The following PRDM1 variants were observed in gnomAD, a reference collection of about 807,000 sequenced individuals.
PRDM1 encodes the protein PR domain zinc finger protein 1.
PRDM1 carries 13 observed loss-of-function variants against 62.8 expected under a neutral mutation model. The ratio of observed to expected loss-of-function variants is 0.21; its 90% CI spans 0.13 to 0.33. PRDM1 has a LOEUF of 0.33. Ranked by LOEUF, PRDM1 falls within the 10% of genes least tolerant of loss-of-function variation. The probability of loss-of-function intolerance (pLI) is 1.00; values close to 1 mark genes in which losing one functional copy is unlikely to be tolerated. For synonymous variants in PRDM1, 396 were observed against 417.6 expected (o/e 0.95, Z 0.63); for missense variants, 895 against 1,058.8 (o/e 0.85, Z 2.15).
intron 1 of PRDM1, among the ~76,000 whole-genome samples, chr6:106,071,466 T>G (rs905043311): frequency 2.6e-5 from 4 of 152,182 alleles, no homozygotes; most frequent in Non-Finnish European, 5.9e-5. Context: ...ATAACAATGC[T>G]GATCCACTTC....
At chr6:106,062,926 C>T (rs933094591) in intron 1 of PRDM1, among the ~76,000 whole-genome samples, 1 of 152,132 alleles carries the variant, frequency 6.6e-6, no homozygotes, top group Non-Finnish European at 1.5e-5. Flanking sequence ...CTCCCACCCC[C>T]CAAAAACGCC....
At chr6:106,080,393 C>T (rs898009535) in intron 1 of PRDM1, among the ~76,000 whole-genome samples, 1 of 152,138 alleles carries the variant, frequency 6.6e-6, no homozygotes, top group African/African-American at 2.4e-5. Context: ...TGGACTCAGC[C>T]TTCTGTTCCA....
intron 4 of PRDM1, among the ~76,000 whole-genome samples, chr6:106,104,285 C>T (rs1005059526): frequency 6.6e-6 from 1 of 151,518 alleles, no homozygotes; most frequent in Admixed American, 6.6e-5. Flanking sequence ...AATCTCGGCT[C>T]ACCACAACCT....
At chr6:106,100,582 T>C (rs1443028023) in intron 4 of PRDM1, 1 of 152,228 alleles carries the variant, frequency 6.6e-6, no homozygotes, top group Admixed American at 6.5e-5. Context: ...TAAATATCAA[T>C]GTTAACATAA....
At chr6:106,085,577 C>T (rs912879886), upstream of PRDM1, among the ~76,000 whole-genome samples, 1 of 152,166 alleles carries the variant, frequency 6.6e-6, no homozygotes, top group African/African-American at 2.4e-5. Context: ...CTGGCCGGGG[C>T]TCAGAATAAG....
At chr6:106,062,322 T>A (rs1448628922) in intron 1 of PRDM1, among the ~76,000 whole-genome samples, 2 of 152,328 alleles carry the variant, frequency 1.3e-5, no homozygotes, top group East Asian at 3.9e-4. Context: ...TTTGGAAAAG[T>A]GAAATTTTAA....
At chr6:106,095,890 T>G (rs1774102333) in intron 3 of PRDM1, 156 bp downstream of exon 3, 3 of 786,454 alleles carry the variant, frequency 3.8e-6, no homozygotes, top group Non-Finnish European at 5.9e-6. Flanking sequence ...TCTGAACAAA[T>G]GTGATGAAAC....
rs2114661662 is a variant in PRDM1 at position 106,106,946 on chromosome 6, C to T, written c.1938C>T (p.Leu646=). The T allele has an allele frequency of 8.7e-6, 14 of 1,614,122 alleles. No individual in the cohort carries two copies. Among genetic ancestry groups the T allele is most frequent in the Non-Finnish European group, 1.2e-5 (14 of 1,180,014 alleles). Residue 646 remains leucine (L), a synonymous_variant, in exon 7 of 7, where the codon CTC becomes CTT. Coordinates refer to ENST00000369096, the MANE Select transcript of PRDM1 (RefSeq NM_001198.4). This position sits in a 1 kb window ranked among gnomAD's most constrained non-coding sequence, Gnocchi z 4.4. ...AGAGATTTAGCAGCACCAGCAATCTCAAGACCCACCTGCGACTCCATTCTG... is the reference window on the plus strand; with the variant it reads ...AGAGATTTAGCAGCACCAGCAATCTTAAGACCCACCTGCGACTCCATTCTG... ...CHKRFSSTSN[L]KTHLRLHSGE... is the part of the protein sequence containing the mutation.
chr6:106,074,268 T>C (rs1332876656), intron 1 of PRDM1, among the ~76,000 whole-genome samples: 4 of 152,180 alleles, frequency 2.6e-5, no homozygotes, highest in Admixed American at 2.6e-4. Context: ...AAAATTACTT[T>C]CCCTGAGAGT....
At chr6:106,063,982 T>C (rs1773388462) in intron 1 of PRDM1, among the ~76,000 whole-genome samples, 1 of 152,220 alleles carries the variant, frequency 6.6e-6, no homozygotes, top group Non-Finnish European at 1.5e-5. Context: ...AGGGTAATAA[T>C]GCCCTAGTAT....
upstream of PRDM1, among the ~76,000 whole-genome samples, chr6:106,043,732 C>T (rs1773035269): frequency 6.6e-6 from 1 of 152,136 alleles, no homozygotes; most frequent in African/African-American, 2.4e-5. Context: ...CGGCGTTTCT[C>T]CCTGTTGGTC....
At chr6:106,079,484 C>T (rs1054178814) in intron 1 of PRDM1, among the ~76,000 whole-genome samples, 16 of 152,104 alleles carry the variant, frequency 1.1e-4, no homozygotes, top group African/African-American at 3.6e-4. Context: ...ATTTCTGTAA[C>T]ACAAAGATTT....
intron 3 of PRDM1, chr6:106,096,292 T>TGC (rs1774116346): frequency 6.5e-6 from 1 of 153,250 alleles, no homozygotes; most frequent in South Asian, 2.0e-4. Flanking sequence ...GGGACTAAGG[T>TGC]GCGCGCCACC....
chr6:106,097,243 T>G (rs1883230), intron 3 of PRDM1, among the ~76,000 whole-genome samples: 20,733 of 152,304 alleles, frequency 0.14, 1,816 homozygotes, highest in Non-Finnish European at 0.19. Flanking sequence ...TGCATAGTTC[T>G]TGGAGTTAAA....
intron 1 of PRDM1, among the ~76,000 whole-genome samples, chr6:106,001,382 T>C (rs1316033890): frequency 1.3e-5 from 2 of 152,210 alleles, no homozygotes; most frequent in East Asian, 3.8e-4. Flanking sequence ...TACAATGAAA[T>C]GTATTCATCT....
rs1323047664 is a variant in PRDM1 at position 106,105,486 on chromosome 6, G to A, written c.1326G>A (p.Arg442=). 1.2e-6 allele frequency: 2 copies of A among 1,614,070 alleles called. No individual in the cohort carries two copies. Among genetic ancestry groups the A allele is most frequent in the Non-Finnish European group, 1.7e-6 (2 of 1,180,028 alleles). The change falls in exon 5 of 7, where the codon AGG becomes AGA. Residue 442 remains arginine, a synonymous_variant. Transcript: ENST00000369096. ...TCAACAACTTTGGCCTCTTCCCGAG[G>A]CTGTGCCCTGTCTACAGCAATCTCC... is the stretch of plus-strand genomic sequence containing the variant. ...NGINNFGLFP[R]LCPVYSNLLG...
intron 1 of PRDM1, among the ~76,000 whole-genome samples, chr6:106,064,806 T>C (rs2114595812): frequency 6.6e-6 from 1 of 152,254 alleles, no homozygotes. Context: ...GCACAGAGCC[T>C]TGGAAAGAGC....
At chr6:106,095,506 T>G (rs1480257428) in intron 2 of PRDM1, 109 bp from the exon 3 acceptor site, 1 of 1,275,058 alleles carries the variant, frequency 7.8e-7, no homozygotes. Flanking sequence ...TATCAAAATT[T>G]TATCATTGTT....
chr6:106,039,656 C>T (rs537528985), intron 1 of PRDM1, among the ~76,000 whole-genome samples: 33 of 152,222 alleles, frequency 2.2e-4, no homozygotes, highest in African/African-American at 7.5e-4. Flanking sequence ...TTCTGTCTCC[C>T]TTATTATTAA....
Sources: gnomAD v4.1 joint callset for allele counts (sites outside exome capture counted in the v4.1 genomes callset) on GRCh38, gnomAD v4.1.1 for gene constraint, Gnocchi (gnomAD v3.1) non-coding constraint, MANE v1.5 for transcripts, NCBI Gene and HGNC (gene_info 2026-07-23, HGNC 2026-07-21) for gene names.